The following PHTF2 variants were observed in gnomAD, a reference collection of about 807,000 sequenced individuals.
The protein encoded by PHTF2 is putative homeodomain transcription factor 2, also known as protein PHTF2.
In PHTF2, 60 loss-of-function variants were observed where a neutral mutation model predicts 101.2. The observed-to-expected ratio is 0.59, with a 90% CI of 0.48 to 0.73. The LOEUF is 0.73. Among genes scored for constraint, PHTF2 ranks in the 30% least tolerant of loss-of-function variants. The probability of loss-of-function intolerance (pLI) is 0.00; values close to 1 mark genes in which losing one functional copy is unlikely to be tolerated. For synonymous variants in PHTF2, 311 were observed against 307.3 expected (o/e 1.01, Z -0.13); for missense variants, 747 against 908.7 (o/e 0.82, Z 2.29).
intron 13 of PHTF2, among the ~76,000 whole-genome samples, chr7:77,939,602 A>G (rs1044256198): frequency 9.9e-5 from 15 of 151,782 alleles, no homozygotes; most frequent in Admixed American, 6.6e-4. Flanking sequence ...AAAAAAAAAA[A>G]AAAAAAGAAA....
intron 1 of PHTF2, among the ~76,000 whole-genome samples, chr7:77,799,901 GT>G (rs1161812062): frequency 1.3e-5 from 2 of 152,146 alleles, no homozygotes; most frequent in East Asian, 3.8e-4. Flanking sequence ...TGCTTTCTTT[GT>G]TAATAGTATA....
intron 3 of PHTF2, among the ~76,000 whole-genome samples, chr7:77,889,705 C>A (rs1246019806): frequency 7.9e-5 from 12 of 151,610 alleles, no homozygotes; most frequent in African/African-American, 2.7e-4. Context: ...ATTCCCCTGC[C>A]TCAGCCTCCT....
chr7:77,862,093 A>G (rs960047586), intron 3 of PHTF2, among the ~76,000 whole-genome samples: 1 of 151,694 alleles, frequency 6.6e-6, no homozygotes, highest in Admixed American at 6.6e-5. Flanking sequence ...AGAAAAAAAT[A>G]CCTTTCACTC....
chr7:77,852,760 A>G (rs1233233392), intron 2 of PHTF2, among the ~76,000 whole-genome samples: 3 of 152,208 alleles, frequency 2.0e-5, no homozygotes, highest in Non-Finnish European at 4.4e-5. Flanking sequence ...CATTTCTTGA[A>G]GGACAGATCT....
At position 77,900,744 on chromosome 7, in the gene PHTF2, G is replaced by A. The variant is rs761302249; in HGVS notation, c.250G>A (p.Val84Met). Residue 84 changes from valine to methionine, a missense_variant, in exon 6 of 20, where the codon GTG (valine) becomes ATG (methionine). Physicochemically the swap from Val to Met is conservative, Grantham distance 21. Transcript: ENST00000416283. ...GAATAAACCAAAGAAAACAGCACAT[G>A]TGAAACCAGACCTCATAGATGTTGA... 25 of 1,579,138 alleles carry A rather than the reference G, an allele frequency of 1.6e-5. No homozygotes were observed. The South Asian group carries it at 2.8e-4, about 17-fold the overall frequency.
intron 12 of PHTF2, among the ~76,000 whole-genome samples, chr7:77,937,302 T>C (rs1380334088): frequency 3.3e-5 from 5 of 152,204 alleles, no homozygotes; most frequent in Admixed American, 1.3e-4. Flanking sequence ...TTGATATCCA[T>C]TTGTCTTTTA....
At chr7:77,954,323 A>G (rs4729912) in intron 19 of PHTF2, among the ~76,000 whole-genome samples, 1 of 151,724 alleles carries the variant, frequency 6.6e-6, no homozygotes, top group Admixed American at 6.6e-5. Flanking sequence ...TAGTAGAGAC[A>G]GTGTTTCACC....
intron 16 of PHTF2, among the ~76,000 whole-genome samples, chr7:77,948,120 G>A (rs1584794282): frequency 2.0e-5 from 3 of 151,988 alleles, no homozygotes; most frequent in Admixed American, 6.6e-5. Context: ...GATTACAGGC[G>A]TGAGCCACTA....
chr7:77,825,054 CAAT>C (rs770960167), intron 1 of PHTF2, among the ~76,000 whole-genome samples: 6 of 151,818 alleles, frequency 4.0e-5, no homozygotes, highest in Non-Finnish European at 5.9e-5. Flanking sequence ...ACAACAACAA[CAAT>C]AATATAAATG....
chr7:77,941,392 T>C (rs998442051), intron 15 of PHTF2, among the ~76,000 whole-genome samples: 1 of 152,218 alleles, frequency 6.6e-6, no homozygotes, highest in Admixed American at 6.5e-5. Context: ...ACATATCTGT[T>C]GTATGGAGGG....
intron 3 of PHTF2, among the ~76,000 whole-genome samples, chr7:77,892,547 T>G (rs1437852002): frequency 6.6e-6 from 1 of 152,184 alleles, no homozygotes; most frequent in Non-Finnish European, 1.5e-5. Flanking sequence ...GTCTCTTAAG[T>G]GTAGTTATCT....
chr7:77,900,686 C>G lies in PHTF2; in HGVS notation c.217-25C>G, dbSNP rs773114295. ...CTAGATTTAAGTATATATACAATTCCAATGCTTCTTTTGATATATTATAGG... is the reference window on the plus strand; with the variant it reads ...CTAGATTTAAGTATATATACAATTCGAATGCTTCTTTTGATATATTATAGG... On this transcript the variant is annotated intron_variant, in intron 5 of 19. Coordinates refer to ENST00000416283, the Ensembl canonical transcript of PHTF2. 5 of 1,195,640 alleles carry G rather than the reference C, an allele frequency of 4.2e-6. No homozygotes were observed. The East Asian group carries it at 1.2e-4, about 28-fold the overall frequency. 74.1% of individuals were successfully genotyped at this position (1,195,640 alleles called of 1,614,324 possible). A position where few individuals can be genotyped will look rare whatever the true frequency, so the allele number is the denominator to read the frequency against.
At chr7:77,900,823 C>A in intron 6 of PHTF2, 43 bp downstream of exon 5, 1 of 974,942 alleles carries the variant, frequency 1.0e-6, no homozygotes, top group Non-Finnish European at 1.7e-6. Flanking sequence ...AGACATTGTT[C>A]TGGAAGAAAC....
intron 12 of PHTF2, among the ~76,000 whole-genome samples, chr7:77,935,561 C>T (rs1464500887): frequency 6.6e-6 from 1 of 152,192 alleles, no homozygotes; most frequent in Non-Finnish European, 1.5e-5. Flanking sequence ...TTTCTAGTTG[C>T]TGTCTTCTCT....
intron 9 of PHTF2, among the ~76,000 whole-genome samples, chr7:77,912,039 C>T (rs1402744933): frequency 1.3e-5 from 2 of 152,136 alleles, no homozygotes; most frequent in African/African-American, 2.4e-5. Flanking sequence ...TTGTCTACAA[C>T]TGATATTATG....
chr7:77,843,029 T>A (rs1240926483), intron 2 of PHTF2, among the ~76,000 whole-genome samples: 2 of 152,214 alleles, frequency 1.3e-5, no homozygotes, highest in Non-Finnish European at 2.9e-5. Context: ...ACACCATTTT[T>A]AAAAATGATA....
chr7:77,938,513 A>G (rs867935267), intron 13 of PHTF2, among the ~76,000 whole-genome samples: 31 of 152,118 alleles, frequency 2.0e-4, no homozygotes, highest in Middle Eastern at 3.4e-3. Context: ...GGCGGATCAC[A>G]AGGTCAGGAG....
chr7:77,835,813 A>G (rs1795414387), intron 1 of PHTF2, among the ~76,000 whole-genome samples: 1 of 152,154 alleles, frequency 6.6e-6, no homozygotes, highest in South Asian at 2.1e-4. Flanking sequence ...AAAAAGTGTT[A>G]TTAAATTGTA....
Position 77,925,495 on chromosome 7 carries a change from G to GTTTTTTTTTTTTTTTTTTTTT in PHTF2, c.1119+2728_1119+2748dup, listed in dbSNP as rs58290945. On this transcript the variant is annotated intron_variant, in intron 11 of 19. Coordinates refer to ENST00000416283, the Ensembl canonical transcript of PHTF2. ...GCAATTATAGGCAATAGTTTTTAGG[G>GTTTTTTTTTTTTTTTTTTTTT]TTTTTTTTTTTTTTTTTTTTTTTTT... is the stretch of plus-strand genomic sequence containing the variant. 1.1e-4 allele frequency among the ~76,000 whole-genome samples: 8 copies of GTTTTTTTTTTTTTTTTTTTTT among 73,168 alleles called. 1 individual carries two copies. The highest frequency in any genetic ancestry group is 4.0e-4 in the African/African-American group (7 of 17,302). The allele number at this position is 73,168 out of a possible 152,430, so 48.0% of individuals were successfully genotyped here.
Sources: allele counts gnomAD v4.1 joint callset (sites outside exome capture counted in the v4.1 genomes callset), GRCh38; gene constraint gnomAD v4.1.1; transcripts MANE v1.5; gene names NCBI Gene and HGNC (gene_info 2026-07-23, HGNC 2026-07-21).